Variants in LIN7A observed in about 807,000 individuals in gnomAD.
LIN7A encodes lin-7 cell polarity scaffold A.
A neutral mutation model predicts 29.8 loss-of-function variants in LIN7A; 25 were observed. The ratio of observed to expected loss-of-function variants is 0.84; its 90% CI spans 0.61 to 1.17. The LOEUF is 1.17. Ranked by LOEUF, LIN7A falls within the 50% of genes most tolerant of loss-of-function variation. LIN7A has a pLI of 0.00. For synonymous variants in LIN7A, 118 were observed against 107.5 expected, an observed-to-expected ratio of 1.10 and a Z score of -0.60; for missense variants, 239 against 287.0, an observed-to-expected ratio of 0.83 and a Z score of 1.21.
intron 2 of LIN7A, among the ~76,000 whole-genome samples, chr12:80,855,776 A>G (rs2121549650): frequency 6.6e-6 from 1 of 152,274 alleles, no homozygotes; most frequent in Middle Eastern, 3.4e-3. Context: ...TGACTAGAAT[A>G]AAATAGAAAT....
At chr12:80,907,457 TG>T (rs1876544839) in intron 1 of LIN7A, among the ~76,000 whole-genome samples, 2 of 152,228 alleles carry the variant, frequency 1.3e-5, no homozygotes, top group Non-Finnish European at 2.9e-5. Context: ...ACAATGGACT[TG>T]GAAGTCAACA....
intron 2 of LIN7A, among the ~76,000 whole-genome samples, chr12:80,868,422 G>T (rs562109196): frequency 3.3e-4 from 50 of 152,268 alleles, no homozygotes; most frequent in African/African-American, 1.1e-3. Flanking sequence ...TATAAAATTT[G>T]CTAGGTGTGA....
At chr12:80,855,016 A>G (rs1280162854) in intron 2 of LIN7A, among the ~76,000 whole-genome samples, 1 of 152,204 alleles carries the variant, frequency 6.6e-6, no homozygotes, top group East Asian at 1.9e-4. Context: ...TCTTTAAAAC[A>G]TAGGATGCTC....
chr12:80,920,916 A>G (rs1420722133), intron 1 of LIN7A, among the ~76,000 whole-genome samples: 1 of 152,218 alleles, frequency 6.6e-6, no homozygotes, highest in Non-Finnish European at 1.5e-5. Flanking sequence ...ATCCATGTAC[A>G]TCTATCTGGC....
chr12:80,835,497 T>C (rs1298096578), intron 4 of LIN7A, among the ~76,000 whole-genome samples: 3 of 152,130 alleles, frequency 2.0e-5, no homozygotes, highest in Admixed American at 6.5e-5. Context: ...TTATTGTCTC[T>C]TGAAGATAAA....
At chr12:80,834,358 C>T (rs2121529848) in intron 4 of LIN7A, among the ~76,000 whole-genome samples, 1 of 152,206 alleles carries the variant, frequency 6.6e-6, no homozygotes, top group South Asian at 2.1e-4. Flanking sequence ...TATATTTACA[C>T]AGTTGGTGAT....
At chr12:80,909,782 T>C (rs530845858) in intron 1 of LIN7A, among the ~76,000 whole-genome samples, 1 of 152,244 alleles carries the variant, frequency 6.6e-6, no homozygotes, top group African/African-American at 2.4e-5. Context: ...CCTTTCAACT[T>C]TGCTCTTGCT....
intron 1 of LIN7A, among the ~76,000 whole-genome samples, chr12:80,891,306 C>A (rs1170811658): frequency 6.6e-6 from 1 of 152,132 alleles, no homozygotes; most frequent in South Asian, 2.1e-4. Context: ...CACATCAAAC[C>A]TTCCCTGGCT....
chr12:80,807,346 A>G (rs1871094270), intron 5 of LIN7A, among the ~76,000 whole-genome samples: 1 of 152,142 alleles, frequency 6.6e-6, no homozygotes, highest in Admixed American at 6.5e-5. Context: ...CTGGGATTAC[A>G]GGCATGAGCC....
intron 2 of LIN7A, among the ~76,000 whole-genome samples, chr12:80,887,722 T>C (rs761062117): frequency 2.0e-5 from 3 of 152,116 alleles, no homozygotes; most frequent in Non-Finnish European, 4.4e-5. Context: ...TTTATCATAG[T>C]TTTCTCCCAC....
At chr12:80,855,065 A>T (rs950527705) in intron 2 of LIN7A, among the ~76,000 whole-genome samples, 2 of 152,132 alleles carry the variant, frequency 1.3e-5, no homozygotes, top group African/African-American at 2.4e-5. Context: ...TGGGTTGGCT[A>T]CTAAAATGTC....
intron 2 of LIN7A, among the ~76,000 whole-genome samples, chr12:80,865,102 C>G (rs1874071541): frequency 6.6e-6 from 1 of 152,100 alleles, no homozygotes; most frequent in Non-Finnish European, 1.5e-5. Context: ...GAAAAACAAC[C>G]TTCTGATTCC....
At chr12:80,848,172 A>C in intron 3 of LIN7A, 79 bp downstream of exon 3, 1 of 1,038,694 alleles carries the variant, frequency 9.6e-7, no homozygotes, top group Non-Finnish European at 1.5e-6. Context: ...ACACACGAGA[A>C]TACCTGAAAC....
At chr12:80,900,172 C>T (rs1228475958) in intron 1 of LIN7A, among the ~76,000 whole-genome samples, 2 of 151,910 alleles carry the variant, frequency 1.3e-5, no homozygotes, top group Non-Finnish European at 2.9e-5. Flanking sequence ...ATTTATTGGT[C>T]TAGGTAGCAC....
At chr12:80,891,086 G>A (rs1875600590) in intron 1 of LIN7A, among the ~76,000 whole-genome samples, 1 of 152,102 alleles carries the variant, frequency 6.6e-6, no homozygotes, top group Non-Finnish European at 1.5e-5. Flanking sequence ...CTTGCATACA[G>A]ATAGTCGGCA....
intron 1 of LIN7A, among the ~76,000 whole-genome samples, chr12:80,896,476 C>T (rs1875903626): frequency 6.6e-6 from 1 of 152,186 alleles, no homozygotes; most frequent in Admixed American, 6.5e-5. Context: ...CTTTGTACTT[C>T]TATCACTGCG....
At chr12:80,885,622 AAGTT>A (rs1429073935) in intron 2 of LIN7A, among the ~76,000 whole-genome samples, 10 of 152,070 alleles carry the variant, frequency 6.6e-5, no homozygotes, top group Admixed American at 6.6e-5. Flanking sequence ...ATTCAAGTGT[AAGTT>A]ATTTCTTGAT....
chr12:80,886,872 AT>A (rs1875355564), intron 2 of LIN7A, among the ~76,000 whole-genome samples: 1 of 152,052 alleles, frequency 6.6e-6, no homozygotes, highest in South Asian at 2.1e-4. Context: ...TCCTTAGCAA[AT>A]TCTAAAATAA....
At chr12:80,912,506 G>A (rs1017097147) in intron 1 of LIN7A, among the ~76,000 whole-genome samples, 3 of 152,050 alleles carry the variant, frequency 2.0e-5, no homozygotes, top group Admixed American at 2.0e-4. Flanking sequence ...ACCTGAGGTA[G>A]GAGTTTGAGA....
Sources: gnomAD v4.1 joint callset for allele counts (sites outside exome capture counted in the v4.1 genomes callset) on GRCh38, gnomAD v4.1.1 for gene constraint, MANE v1.5 for transcripts, NCBI Gene and HGNC (gene_info 2026-07-23, HGNC 2026-07-21) for gene names.